Variants in CCNY observed in about 807,000 individuals in gnomAD.
The protein encoded by CCNY is cyclin-Y.
A neutral mutation model predicts 42.8 loss-of-function variants in CCNY; 19 were observed. That is an observed-to-expected ratio of 0.44 (90% CI 0.31 to 0.65). The LOEUF is 0.65. Among genes scored for constraint, CCNY ranks in the 30% least tolerant of loss-of-function variants. The pLI is 0.07. For missense variants in CCNY, 370 were observed against 437.3 expected (o/e 0.85, Z 1.37); for synonymous variants, 165 against 162.7 (o/e 1.01, Z -0.11).
intron 1 of CCNY, among the ~76,000 whole-genome samples, chr10:35,461,500 G>A (rs1306527564): frequency 2.0e-5 from 3 of 152,182 alleles, no homozygotes; most frequent in Non-Finnish European, 2.9e-5. Flanking sequence ...GATGTCGAGG[G>A]TCAGGGGTTC....
At chr10:35,282,685 T>G (rs1835311263) in intron 3 of CCNY, among the ~76,000 whole-genome samples, 1 of 138,744 alleles carries the variant, frequency 7.2e-6, no homozygotes, top group East Asian at 2.1e-4. Flanking sequence ...ATCGCGCCAC[T>G]GCACTCCAGC....
chr10:35,444,121 C>T (rs985108149), intron 1 of CCNY, among the ~76,000 whole-genome samples: 5 of 150,108 alleles, frequency 3.3e-5, no homozygotes, highest in African/African-American at 1.2e-4. Context: ...TACCCATTTC[C>T]AACACACTTG....
chr10:35,336,655 G>T lies in CCNY; in HGVS notation c.-399G>T, dbSNP rs950226900. 2.0e-5 allele frequency among the ~76,000 whole-genome samples: 3 copies of T among 147,584 alleles called. No individual in the cohort carries two copies. Among genetic ancestry groups the T allele is most frequent in the African/African-American group, 7.3e-5 (3 of 40,940 alleles). On this transcript the variant is annotated 5_prime_UTR_variant, in exon 1 of 10. Coordinates refer to ENST00000374704, the MANE Select transcript of CCNY (RefSeq NM_145012.6). Reference sequence around the variant, plus strand: ...ACCGGAACCTCTTGCCGAGGCGGCCGCCGTCGCCGCAGCCGCCGGGGAAGC... The same window carrying T: ...ACCGGAACCTCTTGCCGAGGCGGCCTCCGTCGCCGCAGCCGCCGGGGAAGC...
At chr10:35,417,160 G>C (rs1211866975) in intron 1 of CCNY, among the ~76,000 whole-genome samples, 1 of 152,154 alleles carries the variant, frequency 6.6e-6, no homozygotes, top group African/African-American at 2.4e-5. Context: ...GGAAATGCTG[G>C]GAAGCACGTG....
At chr10:35,462,253 G>A (rs1352810940) in intron 1 of CCNY, among the ~76,000 whole-genome samples, 1 of 152,190 alleles carries the variant, frequency 6.6e-6, no homozygotes, top group East Asian at 1.9e-4. Context: ...GCCATGTTAG[G>A]TGGAGCTCGT....
intron 3 of CCNY, among the ~76,000 whole-genome samples, chr10:35,294,942 C>T (rs1014728741): frequency 7.2e-5 from 11 of 151,974 alleles, no homozygotes; most frequent in Non-Finnish European, 1.2e-4. Context: ...TAAATTGTCC[C>T]TTTCTTCTTG....
At chr10:35,444,413 A>G (rs1838746949) in intron 1 of CCNY, among the ~76,000 whole-genome samples, 1 of 152,030 alleles carries the variant, frequency 6.6e-6, no homozygotes, top group Non-Finnish European at 1.5e-5. Flanking sequence ...ACGCCCAGCT[A>G]ATTTTTGTAT....
intron 1 of CCNY, among the ~76,000 whole-genome samples, chr10:35,366,032 G>A (rs192232353): frequency 5.2e-4 from 79 of 152,294 alleles, no homozygotes; most frequent in Non-Finnish European, 1.0e-3. Context: ...TATCTCATGA[G>A]GATGAAGATG....
chr10:35,446,829 A>G (rs1309502119), intron 1 of CCNY, among the ~76,000 whole-genome samples: 6 of 152,226 alleles, frequency 3.9e-5, no homozygotes, highest in Non-Finnish European at 8.8e-5. Flanking sequence ...GAAGTGTAAT[A>G]AGCAATTTGT....
intron 1 of CCNY, among the ~76,000 whole-genome samples, chr10:35,463,657 A>G (rs193134553): frequency 1.8e-4 from 28 of 152,352 alleles, no homozygotes; most frequent in Admixed American, 1.6e-3. Context: ...TTAAAAAAAG[A>G]TTTATGGAAA....
chr10:35,250,055 A>T (rs866920815), intron 2 of CCNY, among the ~76,000 whole-genome samples: 1 of 152,034 alleles, frequency 6.6e-6, no homozygotes, highest in African/African-American at 2.4e-5. Flanking sequence ...TTAGCTGGGC[A>T]TGGTGGCGGG....
chr10:35,344,097 T>C (rs1020804517), intron 1 of CCNY, among the ~76,000 whole-genome samples: 9 of 152,204 alleles, frequency 5.9e-5, no homozygotes, highest in African/African-American at 1.9e-4. Context: ...TCTTCAGATG[T>C]TGAGTAGTTT....
At chr10:35,257,918 C>T (rs2095716783) in intron 3 of CCNY, among the ~76,000 whole-genome samples, 1 of 152,280 alleles carries the variant, frequency 6.6e-6, no homozygotes, top group South Asian at 2.1e-4. Flanking sequence ...ATTCTGTTTA[C>T]TTTTCTTCAA....
intron 2 of CCNY, among the ~76,000 whole-genome samples, chr10:35,486,277 CATA>C (rs1291149925): frequency 6.6e-6 from 1 of 152,168 alleles, no homozygotes; most frequent in Non-Finnish European, 1.5e-5. Flanking sequence ...TTGAAATAGC[CATA>C]ATCAGAGTAT....
chr10:35,508,569 G>T (rs1055011410), intron 3 of CCNY, among the ~76,000 whole-genome samples: 3 of 152,194 alleles, frequency 2.0e-5, no homozygotes, highest in African/African-American at 7.2e-5. Context: ...GCTCATTGCT[G>T]CTGGGGTGCT....
chr10:35,483,613 G>T, intron 2 of CCNY, 135 bp downstream of exon 2: 2 of 537,552 alleles, frequency 3.7e-6, no homozygotes, highest in Non-Finnish European at 6.6e-6. Flanking sequence ...ACTGTTTAAT[G>T]GTAGTTCTCT....
chr10:35,549,749 A>G (rs1452715862), intron 7 of CCNY, among the ~76,000 whole-genome samples: 2 of 137,932 alleles, frequency 1.4e-5, no homozygotes, highest in Non-Finnish European at 3.1e-5. Context: ...CCATGACCCT[A>G]CAGTGCTCGT....
chr10:35,249,906 C>T (rs1047722903), intron 2 of CCNY, among the ~76,000 whole-genome samples: 6 of 151,728 alleles, frequency 4.0e-5, no homozygotes, highest in Non-Finnish European at 5.9e-5. Flanking sequence ...AAAAATTAGC[C>T]GGGTGTGGCC....
chr10:35,381,367 C>T (rs924232419), intron 1 of CCNY, among the ~76,000 whole-genome samples: 12 of 151,902 alleles, frequency 7.9e-5, no homozygotes, highest in East Asian at 1.9e-4. Flanking sequence ...TGAGACCAGC[C>T]GGGCCAACAT....
Sources: allele counts gnomAD v4.1 joint callset (sites outside exome capture counted in the v4.1 genomes callset), GRCh38; gene constraint gnomAD v4.1.1; transcripts MANE v1.5; gene names NCBI Gene and HGNC (gene_info 2026-07-23, HGNC 2026-07-21).